Variants in HS6ST3 observed in about 807,000 individuals in gnomAD.
HS6ST3 encodes heparan sulfate 6-O-sulfotransferase 3, also known as heparan-sulfate 6-O-sulfotransferase 3.
A neutral mutation model predicts 36.7 loss-of-function variants in HS6ST3; 12 were observed. That is an observed-to-expected ratio of 0.33 (90% CI 0.21 to 0.53). The LOEUF (loss-of-function observed/expected upper bound fraction) is 0.53. Among genes scored for constraint, HS6ST3 ranks in the 20% least tolerant of loss-of-function variants. The pLI, the probability that HS6ST3 is intolerant of heterozygous loss-of-function variation, is 0.95. For synonymous variants in HS6ST3, 240 were observed against 257.5 expected (o/e 0.93, Z 0.65); for missense variants, 584 against 640.9 (o/e 0.91, Z 0.96).
At chr13:96,472,921 T>C (rs1281479039) in intron 1 of HS6ST3, among the ~76,000 whole-genome samples, 1 of 152,212 alleles carries the variant, frequency 6.6e-6, no homozygotes, top group Admixed American at 6.5e-5. Flanking sequence ...GAATATCTTA[T>C]TTCTATAGTT....
chr13:96,689,043 C>T (rs1049130645), intron 1 of HS6ST3, among the ~76,000 whole-genome samples: 1 of 152,088 alleles, frequency 6.6e-6, no homozygotes, highest in Non-Finnish European at 1.5e-5. Context: ...TATTGATTCA[C>T]ACTTTATAGT....
intron 1 of HS6ST3, among the ~76,000 whole-genome samples, chr13:96,475,190 C>T (rs767971943): frequency 1.3e-5 from 2 of 152,120 alleles, no homozygotes; most frequent in Non-Finnish European, 2.9e-5. Flanking sequence ...ATATTGCATT[C>T]TCTGAGCTAT....
intron 1 of HS6ST3, among the ~76,000 whole-genome samples, chr13:96,450,378 T>C (rs1318069203): frequency 6.6e-6 from 1 of 152,212 alleles, no homozygotes; most frequent in Non-Finnish European, 1.5e-5. Context: ...AGAACATTGA[T>C]GTTCGTGAAA....
chr13:96,365,824 GA>G (rs1203528698), intron 1 of HS6ST3, among the ~76,000 whole-genome samples: 5 of 152,116 alleles, frequency 3.3e-5, no homozygotes, highest in Middle Eastern at 3.4e-3. Context: ...TATTTTCCAG[GA>G]AAAAAATCGA....
At chr13:96,128,261 A>G (rs2053960760) in intron 1 of HS6ST3, among the ~76,000 whole-genome samples, 1 of 152,142 alleles carries the variant, frequency 6.6e-6, no homozygotes, top group Non-Finnish European at 1.5e-5. Context: ...TAACTAATAG[A>G]GTTGACGTAG....
intron 1 of HS6ST3, among the ~76,000 whole-genome samples, chr13:96,502,334 C>G (rs2056007894): frequency 6.7e-6 from 1 of 148,910 alleles, no homozygotes; most frequent in South Asian, 2.1e-4. Flanking sequence ...TACCCTGTGC[C>G]TGTGTCTATA....
chr13:96,445,047 C>A (rs1339861445), intron 1 of HS6ST3, among the ~76,000 whole-genome samples: 1 of 152,066 alleles, frequency 6.6e-6, no homozygotes, highest in African/African-American at 2.4e-5. Context: ...ATGACCTCAG[C>A]ATATTTAGAG....
Position 96,833,185 on chromosome 13 carries a change from T to G in HS6ST3, c.1403T>G (p.Val468Gly), listed in dbSNP as rs1878848940. 2 of 1,559,282 alleles carry G rather than the reference T, an allele frequency of 1.3e-6. No individual in the cohort carries two copies. The highest frequency in any genetic ancestry group is 1.4e-5 in the African/African-American group (1 of 73,658). The part of the protein sequence containing the change: ...GTVTEDYNSQ[V>G]VRW ...GTCACCGAGGACTACAACAGCCAGG[T>G]GGTGAGATGGTGACCTCCTGCCCTC... The change falls in exon 2 of 2, where the codon GTG becomes GGG. Residue 468 changes from valine (V) to glycine (G), a missense_variant. Physicochemically the swap from Val to Gly is moderately radical, Grantham distance 109. Around this residue, in one of 3 missense-constraint regions of HS6ST3, gnomAD observed 360 missense variants for 411.3 expected, o/e 0.88. Coordinates refer to ENST00000376705, the MANE Select transcript of HS6ST3 (RefSeq NM_153456.4).
intron 1 of HS6ST3, among the ~76,000 whole-genome samples, chr13:96,729,849 T>C (rs1876101492): frequency 6.6e-6 from 1 of 152,128 alleles, no homozygotes; most frequent in Admixed American, 6.5e-5. Flanking sequence ...CACAAAATAT[T>C]ATTAGTTCAT....
chr13:96,399,116 A>G (rs4771945), intron 1 of HS6ST3, among the ~76,000 whole-genome samples: 77,169 of 152,152 alleles, frequency 0.51, 19,917 homozygotes, highest in Middle Eastern at 0.6. Flanking sequence ...CTATGCAGCA[A>G]TAGATAACTA....
chr13:96,329,574 A>C (rs9556565), intron 1 of HS6ST3, among the ~76,000 whole-genome samples: 44,549 of 121,286 alleles, frequency 0.37, 10,020 homozygotes, highest in Middle Eastern at 0.44. Context: ...TGTTCTTTTA[A>C]ATTTGCTGAG....
rs1249145694 is a variant in HS6ST3, at chr13:96,254,498, T to TAC, written c.707+162933_707+162934dup. On this transcript the variant is annotated intron_variant, in intron 1 of 1. Coordinates refer to ENST00000376705, the MANE Select transcript of HS6ST3 (RefSeq NM_153456.4). ...ATATATATATATATATATATATATA[T>TAC]ACACATACATACACACACACACTTT... Among the ~76,000 whole-genome samples the TAC allele has an allele frequency of 2.4e-3, 49 of 20,846 alleles. 1 individual carries two copies. The highest frequency in any genetic ancestry group is 0.029 in the Middle Eastern group (1 of 34). The allele number at this position is 20,846 out of a possible 152,430, so 13.7% of individuals were successfully genotyped here.
chr13:96,312,050 A>C (rs2139409581), intron 1 of HS6ST3, among the ~76,000 whole-genome samples: 1 of 152,288 alleles, frequency 6.6e-6, no homozygotes, highest in South Asian at 2.1e-4. Context: ...AATCACACAG[A>C]TTCTATATTA....
chr13:96,165,468 A>T (rs1365039617), intron 1 of HS6ST3, among the ~76,000 whole-genome samples: 2 of 152,178 alleles, frequency 1.3e-5, no homozygotes, highest in Admixed American at 1.3e-4. Flanking sequence ...TGCAGTGCCA[A>T]ATCCAGAAAG....
At chr13:96,152,571 TTG>T (rs2054091537) in intron 1 of HS6ST3, among the ~76,000 whole-genome samples, 1 of 152,062 alleles carries the variant, frequency 6.6e-6, no homozygotes, top group Admixed American at 6.5e-5. Context: ...TCTCCTGACC[TTG>T]CGATCCGCCC....
chr13:96,566,043 T>G (rs931268572), intron 1 of HS6ST3, among the ~76,000 whole-genome samples: 2 of 151,844 alleles, frequency 1.3e-5, no homozygotes, highest in African/African-American at 4.8e-5. Context: ...AAGTAAGAAC[T>G]GGATGCTGTA....
At chr13:96,234,758 G>A (rs1397412878) in intron 1 of HS6ST3, among the ~76,000 whole-genome samples, 1 of 152,216 alleles carries the variant, frequency 6.6e-6, no homozygotes, top group East Asian at 1.9e-4. Flanking sequence ...GATGAGTTTT[G>A]GGTGGGGACA....
At chr13:96,126,749 C>G (rs1456730740) in intron 1 of HS6ST3, among the ~76,000 whole-genome samples, 2 of 152,090 alleles carry the variant, frequency 1.3e-5, no homozygotes, top group Non-Finnish European at 1.5e-5. Context: ...GTTTATTTAT[C>G]TTATTAGGGC....
intron 1 of HS6ST3, among the ~76,000 whole-genome samples, chr13:96,197,906 T>C (rs2054322187): frequency 6.6e-6 from 1 of 152,158 alleles, no homozygotes; most frequent in South Asian, 2.1e-4. Context: ...AGTGCCCCAG[T>C]AGGGACTCTG....
Sources: allele counts gnomAD v4.1 joint callset (sites outside exome capture counted in the v4.1 genomes callset), GRCh38; gene constraint gnomAD v4.1.1; regional missense constraint gnomAD v4.1.1; transcripts MANE v1.5; gene names NCBI Gene and HGNC (gene_info 2026-07-23, HGNC 2026-07-21).